TMEM128: variants seen among roughly 807,000 people sequenced by gnomAD.
The protein encoded by TMEM128 is transmembrane protein 128.
TMEM128 carries 16 observed loss-of-function variants against 19.7 expected under a neutral mutation model. The ratio of observed to expected loss-of-function variants is 0.81; its 90% CI spans 0.55 to 1.23. The LOEUF (loss-of-function observed/expected upper bound fraction) is 1.23, where lower values mean the gene tolerates loss of function less well. TMEM128 is among the 50% of genes most tolerant of loss of function. TMEM128 has a pLI of 0.00. For synonymous variants in TMEM128, 98 were observed against 75.8 expected, an observed-to-expected ratio of 1.29 and a Z score of -1.52; for missense variants, 237 against 200.8, an observed-to-expected ratio of 1.18 and a Z score of -1.09.
chr4:4,238,535 T>C (rs1371517427), intron 3 of TMEM128, among the ~76,000 whole-genome samples: 1 of 152,178 alleles, frequency 6.6e-6, no homozygotes, highest in Non-Finnish European at 1.5e-5. Flanking sequence ...ATTAAATAAC[T>C]ATAATCACAA....
intron 2 of TMEM128, among the ~76,000 whole-genome samples, chr4:4,244,662 C>A (rs75740856): frequency 2.2e-5 from 3 of 137,004 alleles, no homozygotes; most frequent in African/African-American, 7.7e-5. Context: ...CCAGAAACAG[C>A]CTTACCCACT....
At chr4:4,240,718 T>C (rs1362145646) in intron 2 of TMEM128, among the ~76,000 whole-genome samples, 2 of 152,188 alleles carry the variant, frequency 1.3e-5, no homozygotes, top group Admixed American at 6.5e-5. Flanking sequence ...TGCATTTATA[T>C]ATACACTCTC....
intron 2 of TMEM128, among the ~76,000 whole-genome samples, chr4:4,243,288 T>TA (rs1254959633): frequency 1.3e-5 from 2 of 152,082 alleles, no homozygotes; most frequent in Non-Finnish European, 2.9e-5. Context: ...TTCACCGCGT[T>TA]AGCCAGGATG....
At chr4:4,236,317 T>C (rs1278700232) in intron 4 of TMEM128, 61 bp from the exon 5 acceptor site, 1 of 151,862 alleles carries the variant, frequency 6.6e-6, no homozygotes, top group Non-Finnish European at 1.5e-5. Context: ...CCAGCATTTA[T>C]GTACCAAGTA....
intron 1 of TMEM128, among the ~76,000 whole-genome samples, chr4:4,247,122 A>G (rs950704409): frequency 1.3e-5 from 2 of 152,164 alleles, no homozygotes; most frequent in Non-Finnish European, 2.9e-5. Flanking sequence ...GGCACACCAG[A>G]GCTCTAGTTC....
At chr4:4,242,524 T>C (rs200616938) in intron 2 of TMEM128, among the ~76,000 whole-genome samples, 2 of 70,800 alleles carry the variant, frequency 2.8e-5, no homozygotes, top group Admixed American at 2.7e-4. Flanking sequence ...AAAAAAAAAA[T>C]TTTTTTTTTT....
In TMEM128 at chr4:4,248,159, A is replaced by T. The variant is rs974680179; in HGVS notation, c.44T>A (p.Leu15His). Residue 15 changes from leucine to histidine, a missense_variant, in exon 1 of 5, where the codon CTC becomes CAC. Transcript: ENST00000382753. ...CTGGGCCTCGGCGTCCGGCAGGAGG[A>T]GGAATCGCCGCCGGAGCTGCTGCCG... Reference protein sequence around the residue: ...RARQQLRRRFLLLPDAEAQLD... With the variant: ...RARQQLRRRFHLLPDAEAQLD... 1 of 1,533,462 alleles carries T rather than the reference A, an allele frequency of 6.5e-7. No individual in the cohort carries two copies. The highest frequency in any genetic ancestry group is 1.2e-5 in the South Asian group (1 of 83,646). 95.0% of individuals were successfully genotyped at this position (1,533,462 alleles called of 1,614,324 possible).
Position 4,248,099 on chromosome 4 carries a change from G to A in TMEM128, c.97+7C>T, listed in dbSNP as rs1280731279. On this transcript the variant is annotated splice_region_variant and intron_variant, in intron 1 of 4. Coordinates refer to ENST00000382753, the MANE Select transcript of TMEM128 (RefSeq NM_001297551.2). Reference sequence around the variant, plus strand: ...AGAACCTCGGGGCGGCTTGGTGCGCGCCTCACCCGGCCCGGCGTCACCCTC... The same window carrying A: ...AGAACCTCGGGGCGGCTTGGTGCGCACCTCACCCGGCCCGGCGTCACCCTC... 7 of 1,535,072 alleles carry A rather than the reference G, an allele frequency of 4.6e-6. No homozygotes were observed. Among genetic ancestry groups the A allele is most frequent in the South Asian group, 3.6e-5 (3 of 83,786 alleles).
intron 1 of TMEM128, chr4:4,247,742 A>G (rs1718247486): frequency 1.3e-6 from 2 of 1,570,668 alleles, no homozygotes; most frequent in Non-Finnish European, 8.7e-7. Context: ...GCTGACGGGC[A>G]AGGCAGATAT....
chr4:4,238,789 T>C (rs1717827281), intron 3 of TMEM128, among the ~76,000 whole-genome samples: 1 of 152,146 alleles, frequency 6.6e-6, no homozygotes, highest in African/African-American at 2.4e-5. Context: ...ATCCAGCACT[T>C]TGGGAGGCCA....
intron 1 of TMEM128, chr4:4,247,622 G>A (rs770302066): frequency 6.2e-7 from 1 of 1,614,148 alleles, no homozygotes; most frequent in Middle Eastern, 1.6e-4. Flanking sequence ...CCAAATGGCG[G>A]CATACCATAG....
rs1577201465 is a variant in TMEM128, at chr4:4,248,152, C to G, written c.51G>C (p.Leu17=). ...RQQLRRRFLL[L]PDAEAQLDRE... is the part of the protein sequence containing the mutation. ...GGTCCAGCTGGGCCTCGGCGTCCGG[C>G]AGGAGGAGGAATCGCCGCCGGAGCT... The change falls in exon 1 of 5, where the codon CTG becomes CTC. Residue 17 remains leucine, a synonymous_variant. Coordinates refer to ENST00000382753, the MANE Select transcript of TMEM128 (RefSeq NM_001297551.2). 2.0e-6 allele frequency: 3 copies of G among 1,534,106 alleles called. No individual in the cohort carries two copies. Among genetic ancestry groups the G allele is most frequent in the Admixed American group, 2.0e-5 (1 of 50,448 alleles).
intron 4 of TMEM128, among the ~76,000 whole-genome samples, chr4:4,237,501 G>C (rs1285002880): frequency 6.6e-6 from 1 of 152,192 alleles, no homozygotes; most frequent in Non-Finnish European, 1.5e-5. Flanking sequence ...AATTAGCCAA[G>C]CATGGTAGCA....
At chr4:4,247,615 A>C (rs1294263566) in intron 1 of TMEM128, 1 of 1,614,046 alleles carries the variant, frequency 6.2e-7, no homozygotes, top group Non-Finnish European at 8.5e-7. Context: ...TTTGTACCCA[A>C]ATGGCGGCAT....
intron 1 of TMEM128, among the ~76,000 whole-genome samples, chr4:4,246,817 G>A (rs1185485607): frequency 2.0e-5 from 3 of 151,584 alleles, no homozygotes; most frequent in African/African-American, 7.3e-5. Context: ...GTTTGATCTC[G>A]GCTCACTGCA....
intron 4 of TMEM128, among the ~76,000 whole-genome samples, chr4:4,237,345 C>G (rs1398139201): frequency 2.0e-5 from 3 of 152,162 alleles, no homozygotes; most frequent in Admixed American, 6.6e-5. Context: ...CAAATCCTGT[C>G]TTTATGAGGT....
intron 3 of TMEM128, among the ~76,000 whole-genome samples, chr4:4,239,589 C>G (rs1426644135): frequency 6.6e-6 from 1 of 152,146 alleles, no homozygotes; most frequent in Non-Finnish European, 1.5e-5. Context: ...GTTCACTGTG[C>G]TACAAGAGCC....
rs1249862347 is a variant in TMEM128, at chr4:4,247,475, A to G, written c.97+631T>C. ...AAAACATATGAGATAAAAAATATCC[A>G]AAATGAAGTATCTGTCTCCCATCCT... On this transcript the variant is annotated intron_variant, in intron 1 of 4. Coordinates refer to ENST00000382753, the MANE Select transcript of TMEM128 (RefSeq NM_001297551.2). 3 of 1,279,540 alleles carry G rather than the reference A, an allele frequency of 2.3e-6. No homozygotes were observed. The African/African-American group carries it at 6.6e-5, about 28-fold the overall frequency. The allele number at this position is 1,279,540 out of a possible 1,614,324, so 79.3% of individuals were successfully genotyped here.
At chr4:4,243,573 T>C (rs1333435831) in intron 2 of TMEM128, among the ~76,000 whole-genome samples, 1 of 152,164 alleles carries the variant, frequency 6.6e-6, no homozygotes, top group Admixed American at 6.5e-5. Context: ...GCCCTCTCAT[T>C]TCATGGCTGT....
Sources: gnomAD v4.1 joint callset for allele counts (sites outside exome capture counted in the v4.1 genomes callset) on GRCh38, gnomAD v4.1.1 for gene constraint, MANE v1.5 for transcripts, NCBI Gene and HGNC (gene_info 2026-07-23, HGNC 2026-07-21) for gene names.